The following EYS variants were observed in gnomAD, a reference collection of about 807,000 sequenced individuals.
The protein encoded by EYS is EGF-like photoreceptor maintenance factor, also known as protein eyes shut homolog.
In EYS, 250 loss-of-function variants were observed where a neutral mutation model predicts 282.1. That is an observed-to-expected ratio of 0.89 (90% confidence interval 0.80 to 0.98). The LOEUF (loss-of-function observed/expected upper bound fraction) is 0.98, where lower values mean the gene tolerates loss of function less well. Ranked by LOEUF, EYS falls within the 50% of genes least tolerant of loss-of-function variation. The pLI, the probability that EYS is intolerant of heterozygous loss-of-function variation, is 0.00. For synonymous variants in EYS, 1,355 were observed against 1,282.9 expected, an observed-to-expected ratio of 1.06 and a Z score of -1.20; for missense variants, 4,016 against 3,709.0, an observed-to-expected ratio of 1.08 and a Z score of -2.15.
At position 65,398,607 on chromosome 6, in the gene EYS, A is replaced by G. The variant is rs139127081; in HGVS notation, c.1184+3871T>C. On this transcript the variant is annotated intron_variant, in intron 7 of 42. Coordinates refer to ENST00000503581, the MANE Select transcript of EYS (RefSeq NM_001142800.2). ...TCAAAAGGAAATGCAACAAAACAAA[A>G]ATAGACAAAAATTGAATATAATTAA... Among the ~76,000 whole-genome samples the G allele has an allele frequency of 3.2e-3, 494 of 152,186 alleles. 4 individuals are homozygous for G. The highest frequency in any genetic ancestry group is 0.011 in the African/African-American group (445 of 41,540).
intron 12 of EYS, among the ~76,000 whole-genome samples, chr6:65,262,911 G>C (rs1403813640): frequency 6.6e-6 from 1 of 152,028 alleles, no homozygotes; most frequent in Admixed American, 6.6e-5. Context: ...AAAGCCATTG[G>C]ATCCGTCATT....
rs150924758 is a variant in EYS at position 65,148,607 on chromosome 6, G to A, written c.2024-90880C>T. Among the ~76,000 whole-genome samples the A allele has an allele frequency of 8.3e-4, 126 of 152,104 alleles. 2 individuals are homozygous for A. The highest frequency in any genetic ancestry group is 2.8e-3 in the African/African-American group (116 of 41,520). Reference sequence around the variant, plus strand: ...AGCCTTTAGTGTATCTACTGTTCTGGGGGCTGGAGGACAGCGGACCTCTTC... The same window carrying A: ...AGCCTTTAGTGTATCTACTGTTCTGAGGGCTGGAGGACAGCGGACCTCTTC... On this transcript the variant is annotated intron_variant, in intron 12 of 42. Transcript: ENST00000503581.
chr6:63,915,764 G>A (rs1764407235), intron 35 of EYS, among the ~76,000 whole-genome samples: 1 of 152,178 alleles, frequency 6.6e-6, no homozygotes, highest in African/African-American at 2.4e-5. Flanking sequence ...AACTTCAGTG[G>A]AGGAAGTAAT....
At chr6:65,072,582 A>C (rs1374329996) in intron 12 of EYS, among the ~76,000 whole-genome samples, 1 of 151,900 alleles carries the variant, frequency 6.6e-6, no homozygotes, top group East Asian at 1.9e-4. Flanking sequence ...AATAATGAAA[A>C]CATTGTCAAA....
chr6:65,282,155 T>C (rs7738740), intron 12 of EYS, among the ~76,000 whole-genome samples: 3,304 of 151,934 alleles, frequency 0.022, 111 homozygotes, highest in African/African-American at 0.075. Flanking sequence ...TATAGTTCTA[T>C]GGCACAGCAT....
At chr6:64,209,841 T>G (rs1480666957) in intron 31 of EYS, among the ~76,000 whole-genome samples, 2 of 152,198 alleles carry the variant, frequency 1.3e-5, no homozygotes, top group Non-Finnish European at 2.9e-5. Context: ...CTCTGTTTTT[T>G]AATGGAAAGT....
chr6:63,833,512 G>T (rs1771707415), intron 36 of EYS, among the ~76,000 whole-genome samples: 1 of 152,086 alleles, frequency 6.6e-6, no homozygotes, highest in Admixed American at 6.6e-5. Flanking sequence ...GGGATGTGAA[G>T]GACCTCTTCA....
intron 31 of EYS, among the ~76,000 whole-genome samples, chr6:64,159,559 TAA>T (rs35139594): frequency 0.022 from 1,320 of 59,930 alleles, 12 homozygotes; most frequent in Non-Finnish European, 0.024. Context: ...GACTCTGTCT[TAA>T]AAAAAAAAAA....
chr6:64,621,016 T>A (rs1767430303), intron 23 of EYS, among the ~76,000 whole-genome samples: 1 of 152,144 alleles, frequency 6.6e-6, no homozygotes. Flanking sequence ...AGTAAATTTT[T>A]ACTAATTTTT....
intron 29 of EYS, among the ~76,000 whole-genome samples, chr6:64,337,248 A>G (rs565456077): frequency 2.6e-5 from 4 of 152,126 alleles, no homozygotes; most frequent in Non-Finnish European, 5.9e-5. Context: ...TTAACCAAGA[A>G]AAGTAGAGAG....
At chr6:64,853,620 C>A (rs561449926) in intron 19 of EYS, among the ~76,000 whole-genome samples, 1 of 152,222 alleles carries the variant, frequency 6.6e-6, no homozygotes, top group Non-Finnish European at 1.5e-5. Context: ...AGAAGTAAAG[C>A]AGCTTGGTAT....
intron 28 of EYS, among the ~76,000 whole-genome samples, chr6:64,414,119 C>T (rs1268840601): frequency 1.3e-4 from 20 of 151,808 alleles, no homozygotes; most frequent in Admixed American, 1.3e-3. Context: ...GTTACAGCAG[C>T]CAAAATGAAG....
intron 13 of EYS, among the ~76,000 whole-genome samples, chr6:65,026,127 C>A (rs1046101313): frequency 1.3e-5 from 2 of 152,142 alleles, no homozygotes; most frequent in South Asian, 2.1e-4. Context: ...AAGACTTCTT[C>A]AGTCGCTTAT....
At chr6:65,382,051 A>G (rs9445534) in intron 8 of EYS, among the ~76,000 whole-genome samples, 62,645 of 151,530 alleles carry the variant, frequency 0.41, 13,959 homozygotes, top group South Asian at 0.5. Flanking sequence ...TATTTCTAAT[A>G]TAAATTTAGG....
chr6:65,231,084 TG>T (rs1766761322), intron 12 of EYS, among the ~76,000 whole-genome samples: 2 of 43,696 alleles, frequency 4.6e-5, no homozygotes, highest in South Asian at 2.4e-3. Flanking sequence ...TATATATATG[TG>T]TATATATATA....
At chr6:63,872,894 C>T (rs189028055) in intron 35 of EYS, among the ~76,000 whole-genome samples, 4 of 152,156 alleles carry the variant, frequency 2.6e-5, no homozygotes, top group Admixed American at 1.3e-4. Flanking sequence ...CTTGACCAAA[C>T]CCTGAGTTAT....
intron 13 of EYS, among the ~76,000 whole-genome samples, chr6:65,040,285 G>C (rs1772895058): frequency 6.6e-6 from 1 of 151,688 alleles, no homozygotes; most frequent in Admixed American, 6.6e-5. Flanking sequence ...ACAACTATGA[G>C]AGAGAATCTC....
At chr6:64,580,153 A>T (rs1170465403) in intron 26 of EYS, among the ~76,000 whole-genome samples, 3 of 152,134 alleles carry the variant, frequency 2.0e-5, no homozygotes, top group African/African-American at 7.2e-5. Flanking sequence ...TCTTTGTGAC[A>T]ATTTTTAAGA....
At chr6:64,875,376 C>T (rs540440592) in intron 19 of EYS, among the ~76,000 whole-genome samples, 14 of 152,120 alleles carry the variant, frequency 9.2e-5, no homozygotes, top group Admixed American at 2.0e-4. Flanking sequence ...GCAATGTAAT[C>T]TTGTATTTTG....
Sources: gnomAD v4.1 joint callset for allele counts (sites outside exome capture counted in the v4.1 genomes callset) on GRCh38, gnomAD v4.1.1 for gene constraint, MANE v1.5 for transcripts, NCBI Gene and HGNC (gene_info 2026-07-23, HGNC 2026-07-21) for gene names.